Variants in EPHA5 observed in about 807,000 individuals in gnomAD.
The protein encoded by EPHA5 is EPH receptor A5.
In EPHA5, 60 loss-of-function variants were observed where a neutral mutation model predicts 105.0. The observed-to-expected ratio is 0.57, with a 90% CI of 0.46 to 0.71. The LOEUF is 0.71. Ranked by LOEUF, EPHA5 falls within the 30% of genes least tolerant of loss-of-function variation. The pLI is 0.00. For synonymous variants in EPHA5, 513 were observed against 449.1 expected (o/e 1.14, Z -1.80); for missense variants, 1,218 against 1,274.7 (o/e 0.96, Z 0.68).
chr4:65,573,433 A>G (rs1740442705), intron 3 of EPHA5: 7 of 1,093,836 alleles, frequency 6.4e-6, no homozygotes, highest in Non-Finnish European at 3.7e-6. Context: ...AAAAAAAAAA[A>G]AAGAAGCTCT....
intron 2 of EPHA5, among the ~76,000 whole-genome samples, chr4:65,615,270 T>C (rs1041307350): frequency 1.0e-4 from 14 of 136,356 alleles, no homozygotes; most frequent in Non-Finnish European, 2.3e-4. Context: ...TTTTACAAAT[T>C]TGATTTAAAA....
At chr4:65,379,466 C>T (rs1294030133) in intron 8 of EPHA5, among the ~76,000 whole-genome samples, 1 of 151,532 alleles carries the variant, frequency 6.6e-6, no homozygotes, top group Non-Finnish European at 1.5e-5. Context: ...ATAAAAATTG[C>T]TTTAGATAAT....
At chr4:65,565,195 G>C (rs887574619) in intron 3 of EPHA5, among the ~76,000 whole-genome samples, 1 of 151,498 alleles carries the variant, frequency 6.6e-6, no homozygotes, top group Non-Finnish European at 1.5e-5. Context: ...ACTTTTCCAG[G>C]AAATAAGATT....
rs2148766388 is a variant in EPHA5 at position 65,320,031 on chromosome 4, T to G, written c.*4083A>C. On this transcript the variant is annotated 3_prime_UTR_variant, in exon 17 of 17. Coordinates refer to ENST00000613740, the MANE Select transcript of EPHA5 (RefSeq NM_001281766.3). Reference sequence around the variant, plus strand: ...GAAACAAACAACATTTGATTCTGATTATTATAAACAGACTTTTTTTCTTTT... The same window carrying G: ...GAAACAAACAACATTTGATTCTGATGATTATAAACAGACTTTTTTTCTTTT... The G allele has an allele frequency of 4.3e-6, 1 of 230,296 alleles. No individual in the cohort carries two copies. Among genetic ancestry groups the G allele is most frequent in the Admixed American group, 5.7e-5 (1 of 17,642 alleles). The allele number at this position is 230,296 out of a possible 1,614,324, so 14.3% of individuals were successfully genotyped here.
Position 65,320,251 on chromosome 4 carries a change from CAG to C in EPHA5, c.*3861_*3862del, listed in dbSNP as rs1719528978. ...TTATTCAATGTAAACAGCTGTGCTA[CAG>C]AGTTGAAAAAATGATGACTTATTTT... is the stretch of plus-strand genomic sequence containing the variant. On this transcript the variant is annotated 3_prime_UTR_variant, in exon 17 of 17. Coordinates refer to ENST00000613740, the MANE Select transcript of EPHA5 (RefSeq NM_001281766.3). 4.3e-6 allele frequency: 1 copy of C among 230,038 alleles called. No homozygotes were observed. The highest frequency in any genetic ancestry group is 5.7e-5 in the Admixed American group (1 of 17,622). The allele number at this position is 230,038 out of a possible 1,614,324, so 14.2% of individuals were successfully genotyped here.
intron 5 of EPHA5, among the ~76,000 whole-genome samples, chr4:65,433,736 A>C (rs557556289): frequency 1.3e-5 from 2 of 152,274 alleles, no homozygotes; most frequent in Admixed American, 6.5e-5. Context: ...AGACTACTGG[A>C]CTTCCTTGGC....
At chr4:65,491,929 T>TA (rs375331349) in intron 4 of EPHA5, among the ~76,000 whole-genome samples, 12 of 152,274 alleles carry the variant, frequency 7.9e-5, no homozygotes, top group African/African-American at 2.9e-4. Flanking sequence ...TATTATTGGA[T>TA]AATCTCAAAG....
intron 5 of EPHA5, among the ~76,000 whole-genome samples, chr4:65,434,892 T>C (rs1324173645): frequency 6.6e-6 from 1 of 152,086 alleles, no homozygotes; most frequent in Non-Finnish European, 1.5e-5. Context: ...TTTTATGTGA[T>C]TTTTTCAGCC....
chr4:65,557,233 GATATATATAT>G (rs61008833), intron 3 of EPHA5, among the ~76,000 whole-genome samples: 3 of 90,926 alleles, frequency 3.3e-5, no homozygotes, highest in South Asian at 4.3e-4. Context: ...TTTATACTGG[GATATATATAT>G]ATATATATAT....
intron 3 of EPHA5, among the ~76,000 whole-genome samples, chr4:65,571,253 C>T (rs568168825): frequency 4.2e-4 from 63 of 150,826 alleles, no homozygotes; most frequent in Non-Finnish European, 2.5e-4. Flanking sequence ...TAAAAAGGAA[C>T]GCTTATTAAT....
chr4:65,621,534 A>G (rs1486657784), intron 2 of EPHA5, among the ~76,000 whole-genome samples: 2 of 152,200 alleles, frequency 1.3e-5, no homozygotes, highest in East Asian at 3.8e-4. Flanking sequence ...CTCTCCATTT[A>G]CAATGTATAT....
chr4:65,669,901 C>G lies in EPHA5; in HGVS notation c.-159G>C. ...CCTCCAAATGTAGGAACCACGGATC[C>G]GGCTGAGACAGCTGAAGTTTGCTTC... On this transcript the variant is annotated 5_prime_UTR_variant, in exon 1 of 17. Coordinates refer to ENST00000613740, the MANE Select transcript of EPHA5 (RefSeq NM_001281766.3). 8.9e-7 allele frequency: 1 copy of G among 1,117,502 alleles called. No homozygotes were observed. The highest frequency in any genetic ancestry group is 3.2e-5 in the East Asian group (1 of 31,128). The allele number at this position is 1,117,502 out of a possible 1,614,324, so 69.2% of individuals were successfully genotyped here. A position where few individuals can be genotyped will look rare whatever the true frequency, so the allele number is the denominator to read the frequency against.
chr4:65,369,679 G>T (rs1210856966), intron 8 of EPHA5, among the ~76,000 whole-genome samples: 1 of 152,006 alleles, frequency 6.6e-6, no homozygotes, highest in Non-Finnish European at 1.5e-5. Context: ...AAAAAATACA[G>T]TTATCTGGCT....
At chr4:65,567,334 T>A (rs1240870309) in intron 3 of EPHA5, among the ~76,000 whole-genome samples, 9 of 151,678 alleles carry the variant, frequency 5.9e-5, no homozygotes, top group Non-Finnish European at 8.9e-5. Flanking sequence ...GTTTTAATAC[T>A]TGGTCTTGAA....
At chr4:65,665,874 T>C (rs890912709) in intron 1 of EPHA5, among the ~76,000 whole-genome samples, 3 of 152,126 alleles carry the variant, frequency 2.0e-5, no homozygotes, top group African/African-American at 7.2e-5. Context: ...ATGATTCAAA[T>C]AGGGGTAATA....
intron 2 of EPHA5, among the ~76,000 whole-genome samples, chr4:65,633,427 G>T (rs1434722792): frequency 6.6e-6 from 1 of 151,908 alleles, no homozygotes; most frequent in East Asian, 1.9e-4. Context: ...CTGGTGATTT[G>T]TCCCCAGGGA....
At chr4:65,544,728 A>G (rs1175050701) in intron 3 of EPHA5, among the ~76,000 whole-genome samples, 1 of 152,058 alleles carries the variant, frequency 6.6e-6, no homozygotes, top group African/African-American at 2.4e-5. Context: ...ATTACTGGGT[A>G]TATACCCAAA....
intron 2 of EPHA5, among the ~76,000 whole-genome samples, chr4:65,631,727 TTAAAGTATA>T (rs1746649163): frequency 1.2e-5 from 1 of 81,806 alleles, no homozygotes; most frequent in Non-Finnish European, 3.6e-5. Context: ...ACCCTAAAAC[TTAAAGTATA>T]ATAATAATAA....
In EPHA5 at chr4:65,405,786, T is replaced by C. The variant is rs193185763; in HGVS notation, c.1688-1307A>G. ...TAAGAAATTTAGTTATTGGCTACAG[T>C]ATAAATGAGGTAGGAAAAAACTACC... On this transcript the variant is annotated intron_variant, in intron 7 of 16. Transcript: ENST00000613740. Among the ~76,000 whole-genome samples, 11 of 152,236 alleles carry C rather than the reference T, an allele frequency of 7.2e-5. No homozygotes were observed. In the East Asian group the frequency reaches 1.7e-3, roughly 24 times the overall value.
Sources: gnomAD v4.1 joint callset for allele counts (sites outside exome capture counted in the v4.1 genomes callset) on GRCh38, gnomAD v4.1.1 for gene constraint, MANE v1.5 for transcripts, NCBI Gene and HGNC (gene_info 2026-07-23, HGNC 2026-07-21) for gene names.